LHFPL4: variants seen among roughly 807,000 people sequenced by gnomAD.
LHFPL4 encodes LHFPL tetraspan subfamily member 4.
A neutral mutation model predicts 20.0 loss-of-function variants in LHFPL4; 6 were observed. The observed-to-expected ratio is 0.30, with a 90% CI of 0.16 to 0.59. The LOEUF is 0.59. Ranked by LOEUF, LHFPL4 falls within the 20% of genes least tolerant of loss-of-function variation. The probability of loss-of-function intolerance (pLI) is 0.88; values close to 1 mark genes in which losing one functional copy is unlikely to be tolerated. For synonymous variants in LHFPL4, 129 were observed against 143.8 expected (o/e 0.90, Z 0.74); for missense variants, 215 against 331.2 (o/e 0.65, Z 2.72).
chr3:9,514,663 T>C (rs2046285886), intron 2 of LHFPL4, among the ~76,000 whole-genome samples: 1 of 152,200 alleles, frequency 6.6e-6, no homozygotes, highest in African/African-American at 2.4e-5. Context: ...TGCCTATTCA[T>C]CCCTTCCTCC....
intron 2 of LHFPL4, among the ~76,000 whole-genome samples, chr3:9,533,572 G>A (rs550282073): frequency 3.5e-4 from 54 of 152,324 alleles, no homozygotes; most frequent in Admixed American, 5.9e-4. Flanking sequence ...CACGAGGTCA[G>A]GAGATCGAGA....
At chr3:9,520,139 GT>G (rs2046328726) in intron 2 of LHFPL4, among the ~76,000 whole-genome samples, 1 of 151,942 alleles carries the variant, frequency 6.6e-6, no homozygotes, top group African/African-American at 2.4e-5. Flanking sequence ...GTTTTTGTAA[GT>G]TGTGTTTTCA....
intron 2 of LHFPL4, among the ~76,000 whole-genome samples, chr3:9,533,327 T>C (rs2046422476): frequency 6.6e-6 from 1 of 152,214 alleles, no homozygotes; most frequent in Non-Finnish European, 1.5e-5. Context: ...ATTAACAATG[T>C]AATGGATAAA....
intron 2 of LHFPL4, among the ~76,000 whole-genome samples, chr3:9,519,575 T>A (rs1273020624): frequency 6.6e-6 from 1 of 152,168 alleles, no homozygotes; most frequent in Non-Finnish European, 1.5e-5. Flanking sequence ...TCTCTCTTTT[T>A]TTGAGACAGA....
At chr3:9,543,220 G>A (rs1574854676) in intron 2 of LHFPL4, among the ~76,000 whole-genome samples, 1 of 151,152 alleles carries the variant, frequency 6.6e-6, no homozygotes, top group African/African-American at 2.4e-5. Context: ...GTGGGTCCTC[G>A]GCCGGGCATG....
intron 2 of LHFPL4, among the ~76,000 whole-genome samples, chr3:9,525,376 G>T (rs2046366838): frequency 6.6e-6 from 1 of 152,162 alleles, no homozygotes; most frequent in South Asian, 2.1e-4. Flanking sequence ...TCCCATAAAG[G>T]TTTCTGCTCA....
rs2046564732 is a variant in LHFPL4 at position 9,552,743 on chromosome 3, G to A, written c.-64C>T. The A allele has an allele frequency of 2.0e-6, 2 of 980,760 alleles. No homozygotes were observed. Among genetic ancestry groups the A allele is most frequent in the African/African-American group, 1.8e-5 (1 of 56,794 alleles). 60.8% of individuals were successfully genotyped at this position (980,760 alleles called of 1,614,324 possible). On this transcript the variant is annotated 5_prime_UTR_variant, in exon 2 of 4. Transcript: ENST00000287585. Reference sequence around the variant, plus strand: ...GGGGGCCGCCGGCCCGGGACGGAGCGCCGGGCTGCCGGGCGGGAGCTGGGG... The same window carrying A: ...GGGGGCCGCCGGCCCGGGACGGAGCACCGGGCTGCCGGGCGGGAGCTGGGG...
chr3:9,541,237 C>A (rs897979605), intron 2 of LHFPL4, among the ~76,000 whole-genome samples: 3 of 151,884 alleles, frequency 2.0e-5, no homozygotes, highest in Admixed American at 6.6e-5. Context: ...CCACCGCACC[C>A]GGCAAAATAA....
At chr3:9,532,560 A>T (rs145209416) in intron 2 of LHFPL4, among the ~76,000 whole-genome samples, 1,593 of 151,770 alleles carry the variant, frequency 0.01, 14 homozygotes, top group Non-Finnish European at 0.018. Flanking sequence ...GCTTGTCTCA[A>T]ACTCTTGGCC....
chr3:9,544,557 A>G (rs970402127), intron 2 of LHFPL4, among the ~76,000 whole-genome samples: 10 of 152,114 alleles, frequency 6.6e-5, no homozygotes, highest in East Asian at 1.9e-4. Context: ...CCCGGGAGGC[A>G]GAGGTTGCAG....
At chr3:9,502,763 G>C (rs2046186523) in intron 3 of LHFPL4, among the ~76,000 whole-genome samples, 1 of 151,188 alleles carries the variant, frequency 6.6e-6, no homozygotes, top group African/African-American at 2.4e-5. Flanking sequence ...TGAAATCCTA[G>C]CCTCACCTGA....
Position 9,540,997 on chromosome 3 carries a change from T to C in LHFPL4, c.406+11277A>G, listed in dbSNP as rs567354217. 2.5e-3 allele frequency among the ~76,000 whole-genome samples: 385 copies of C among 152,122 alleles called. 1 individual carries two copies. Among genetic ancestry groups the C allele is most frequent in the South Asian group, 5.0e-3 (24 of 4,812 alleles). ...CTCTGTCACCCAGGCTGGAGTGCAATGGCATGATCTCAGCTCACTGCAACC... is the reference window on the plus strand; with the variant it reads ...CTCTGTCACCCAGGCTGGAGTGCAACGGCATGATCTCAGCTCACTGCAACC... On this transcript the variant is annotated intron_variant, in intron 2 of 3. Transcript: ENST00000287585.
chr3:9,507,936 C>A (rs749559828), intron 2 of LHFPL4, among the ~76,000 whole-genome samples: 1 of 152,230 alleles, frequency 6.6e-6, no homozygotes, highest in Admixed American at 6.5e-5. Context: ...GCCAGTCCTG[C>A]CAACATTTGG....
At chr3:9,529,163 G>A (rs1023194325) in intron 2 of LHFPL4, among the ~76,000 whole-genome samples, 1 of 151,928 alleles carries the variant, frequency 6.6e-6, no homozygotes, top group African/African-American at 2.4e-5. Flanking sequence ...CAAGTAGCTG[G>A]GACTACAGGT....
At chr3:9,547,037 A>G (rs2046519537) in intron 2 of LHFPL4, among the ~76,000 whole-genome samples, 1 of 152,142 alleles carries the variant, frequency 6.6e-6, no homozygotes, top group Non-Finnish European at 1.5e-5. Flanking sequence ...TGCCCAGGCT[A>G]GAGTGCAGCG....
At chr3:9,515,613 C>G (rs137904533) in intron 2 of LHFPL4, among the ~76,000 whole-genome samples, 152 of 152,058 alleles carry the variant, frequency 1.0e-3, no homozygotes, top group African/African-American at 3.4e-3. Flanking sequence ...CACAGGTGAT[C>G]TGACTGCCTC....
At chr3:9,515,312 T>C (rs760505544) in intron 2 of LHFPL4, among the ~76,000 whole-genome samples, 2 of 152,252 alleles carry the variant, frequency 1.3e-5, no homozygotes, top group Non-Finnish European at 2.9e-5. Context: ...GGGTGTCTGC[T>C]AAGGTCTTTT....
intron 2 of LHFPL4, among the ~76,000 whole-genome samples, chr3:9,512,341 C>T (rs2046266807): frequency 6.6e-6 from 1 of 152,202 alleles, no homozygotes; most frequent in Admixed American, 6.5e-5. Flanking sequence ...CTGTGAGAAT[C>T]AAATGGGAGC....
intron 2 of LHFPL4, among the ~76,000 whole-genome samples, chr3:9,533,624 T>C (rs1467001509): frequency 6.6e-6 from 1 of 152,024 alleles, no homozygotes; most frequent in Non-Finnish European, 1.5e-5. Flanking sequence ...CTACTAAAAA[T>C]ACACAAAATT....
Sources: gnomAD v4.1 joint callset for allele counts (sites outside exome capture counted in the v4.1 genomes callset) on GRCh38, gnomAD v4.1.1 for gene constraint, MANE v1.5 for transcripts, NCBI Gene and HGNC (gene_info 2026-07-23, HGNC 2026-07-21) for gene names.